The following ZNF331 variants were observed in gnomAD, a reference collection of about 807,000 sequenced individuals.
The protein encoded by ZNF331 is zinc finger protein 331.
ZNF331 carries 2 observed loss-of-function variants against 7.0 expected under a neutral mutation model. The ratio of observed to expected loss-of-function variants is 0.29; its 90% CI spans 0.12 to 0.90. The LOEUF (loss-of-function observed/expected upper bound fraction) is 0.90, where lower values mean the gene tolerates loss of function less well. Among genes scored for constraint, ZNF331 ranks in the 40% least tolerant of loss-of-function variants. ZNF331 has a pLI of 0.58. For synonymous variants in ZNF331, 196 were observed against 205.4 expected (o/e 0.95, Z 0.39); for missense variants, 432 against 587.7 (o/e 0.74, Z 2.74).
chr19:53,552,780 A>C (rs565885509), intron 2 of ZNF331, among the ~76,000 whole-genome samples: 1 of 152,302 alleles, frequency 6.6e-6, no homozygotes, highest in Non-Finnish European at 1.5e-5. Flanking sequence ...AACTGGATTC[A>C]GGATCAGTGT....
chr19:53,527,060 G>A (rs967457615), intron 2 of ZNF331, among the ~76,000 whole-genome samples: 3 of 151,914 alleles, frequency 2.0e-5, no homozygotes, highest in African/African-American at 7.2e-5. Flanking sequence ...ATGGTGGCAT[G>A]TGCCTGTAAT....
chr19:53,574,775 C>G (rs1056139693), intron 5 of ZNF331, among the ~76,000 whole-genome samples: 1 of 152,112 alleles, frequency 6.6e-6, no homozygotes, highest in Non-Finnish European at 1.5e-5. Flanking sequence ...TCAAATGGTG[C>G]GCGCCTATCA....
Position 53,529,271 on chromosome 19 carries a change from G to A in ZNF331, c.-205+6587G>A, listed in dbSNP as rs556635585. 2.6e-5 allele frequency among the ~76,000 whole-genome samples: 4 copies of A among 152,130 alleles called. No homozygotes were observed. The East Asian group carries it at 7.8e-4, about 30-fold the overall frequency. The stretch of plus-strand genomic sequence containing the variant: ...AAAAATTAGCCGGGCGTGGTGGTAG[G>A]CGCATGTAGTCGCAGCTACTCAGGA... On this transcript the variant is annotated intron_variant, in intron 2 of 6. Coordinates refer to the ZNF331 transcript ENST00000253144.
At chr19:53,510,670 C>T in the ZNF331 span, among the ~76,000 whole-genome samples, 1 of 152,072 alleles carries the variant, frequency 6.6e-6, no homozygotes, top group East Asian at 1.9e-4. Flanking sequence ...TGTGTTTTCA[C>T]CTATGAGATT....
rs2090320044 is a variant in ZNF331 at position 53,569,188 on chromosome 19, T to C, written c.-73-116T>C. The C allele has an allele frequency of 5.0e-6, 3 of 595,008 alleles. No homozygotes were observed. The South Asian group carries it at 5.9e-5, about 12-fold the overall frequency. The allele number at this position is 595,008 out of a possible 1,614,324, so 36.9% of individuals were successfully genotyped here. A position where few individuals can be genotyped will look rare whatever the true frequency, so the allele number is the denominator to read the frequency against. ...TGATACTCTTCACCTTTCCCAGATA[T>C]GTCACGGTTATGTGTTTGTGTTGGG... On this transcript the variant is annotated intron_variant, in intron 3 of 5. Coordinates refer to ENST00000449416, the MANE Select transcript of ZNF331 (RefSeq NM_001079906.2).
the ZNF331 span, among the ~76,000 whole-genome samples, chr19:53,509,259 T>C: frequency 6.6e-6 from 1 of 152,204 alleles, no homozygotes; most frequent in African/African-American, 2.4e-5. Flanking sequence ...CTCCTGTTTT[T>C]CTTCCACGTA....
At chr19:53,540,056 A>G (rs564029455) in intron 2 of ZNF331, among the ~76,000 whole-genome samples, 1 of 152,356 alleles carries the variant, frequency 6.6e-6, no homozygotes, top group Admixed American at 6.5e-5. Context: ...TACCTTATCC[A>G]ACATGACATT....
In ZNF331 at chr19:53,579,229, G is replaced by T; in HGVS notation, c.*1277G>T. 4.7e-6 allele frequency: 1 copy of T among 211,070 alleles called. No homozygotes were observed. Among genetic ancestry groups the T allele is most frequent in the Non-Finnish European group, 9.6e-6 (1 of 104,064 alleles). The allele number at this position is 211,070 out of a possible 1,614,324, so 13.1% of individuals were successfully genotyped here. ...TTTTTATTGTGTGGGTTAGTTTAAT[G>T]AATACATAAAGACTACCAGTACCAT... On this transcript the variant is annotated 3_prime_UTR_variant, in exon 6 of 6. Transcript: ENST00000449416.
chr19:53,547,693 G>T (rs1209641160), intron 2 of ZNF331, among the ~76,000 whole-genome samples: 1 of 151,822 alleles, frequency 6.6e-6, no homozygotes, highest in African/African-American at 2.4e-5. Context: ...TATTTTTTTT[G>T]TTTGTTTTTT....
intron 2 of ZNF331, among the ~76,000 whole-genome samples, chr19:53,544,616 C>T (rs1016306213): frequency 1.3e-4 from 20 of 151,940 alleles, no homozygotes; most frequent in Non-Finnish European, 2.6e-4. Flanking sequence ...TTTAACCCAT[C>T]CTCTACTGTG....
intron 2 of ZNF331, among the ~76,000 whole-genome samples, chr19:53,525,741 A>G (rs1048361231): frequency 6.6e-6 from 1 of 152,230 alleles, no homozygotes; most frequent in Admixed American, 6.5e-5. Context: ...ATCTGCAAAC[A>G]GGAACAGTAT....
upstream of ZNF331, among the ~76,000 whole-genome samples, chr19:53,514,549 A>C (rs2086851296): frequency 6.6e-6 from 1 of 152,080 alleles, no homozygotes; most frequent in South Asian, 2.1e-4. Context: ...CATGGACTAA[A>C]ACCACATCAC....
At chr19:53,511,238 CATACT>C in the ZNF331 span, among the ~76,000 whole-genome samples, 128 of 152,184 alleles carry the variant, frequency 8.4e-4, no homozygotes, top group Middle Eastern at 3.4e-3. Flanking sequence ...ATATTTATCT[CATACT>C]ATACAATATG....
chr19:53,579,901 T>TG lies in ZNF331; in HGVS notation c.*1950dup, dbSNP rs1288847740. The TG allele has an allele frequency of 4.9e-6, 1 of 202,602 alleles. No homozygotes were observed. Among genetic ancestry groups the TG allele is most frequent in the Non-Finnish European group, 1.0e-5 (1 of 99,020 alleles). The allele number at this position is 202,602 out of a possible 1,614,324, so 12.6% of individuals were successfully genotyped here. On this transcript the variant is annotated 3_prime_UTR_variant, in exon 6 of 6. Transcript: ENST00000449416. ...AGAAAATATAAAGAATCCCTCAAGT[T>TG]GAAAAAAAAATCAATTTAAAGGGGA...
At position 53,576,743 on chromosome 19, in the gene ZNF331, C is replaced by A. The variant is rs1568551119; in HGVS notation, c.183C>A (p.Asn61Lys). Residue 61 changes from asparagine to lysine, a missense_variant, in exon 6 of 6, where the codon AAC becomes AAA. Physicochemically the swap from Asn to Lys is moderately conservative, Grantham distance 94 (BLOSUM62 0). This residue lies in a region of ZNF331 where 81 missense variants were observed against 70.3 expected (regional missense o/e 1.15). Transcript: ENST00000449416. The part of the protein sequence containing the change: ...YENKSLPTEK[N>K]IHEIRASKRN... ...ATAAGAGTTTACCTACAGAAAAAAACATTCATGAAATAAGGGCTTCCAAAA... is the reference window on the plus strand; with the variant it reads ...ATAAGAGTTTACCTACAGAAAAAAAAATTCATGAAATAAGGGCTTCCAAAA... 6.2e-7 allele frequency: 1 copy of A among 1,611,964 alleles called. No individual in the cohort carries two copies. The highest frequency in any genetic ancestry group is 8.5e-7 in the Non-Finnish European group (1 of 1,179,458).
chr19:53,568,602 A>G (rs1423959762), intron 3 of ZNF331, among the ~76,000 whole-genome samples: 1 of 152,102 alleles, frequency 6.6e-6, no homozygotes, highest in Non-Finnish European at 1.5e-5. Context: ...CTTAGAGGTA[A>G]TATAGATTAC....
At chr19:53,548,029 A>G (rs1600317985) in intron 2 of ZNF331, among the ~76,000 whole-genome samples, 2 of 152,216 alleles carry the variant, frequency 1.3e-5, no homozygotes, top group African/African-American at 2.4e-5. Context: ...TCCTGGACCC[A>G]AGCAATCCTC....
intron 2 of ZNF331, among the ~76,000 whole-genome samples, chr19:53,542,302 G>C (rs1174651618): frequency 6.6e-6 from 1 of 152,122 alleles, no homozygotes; most frequent in Non-Finnish European, 1.5e-5. Flanking sequence ...CTAACCTATG[G>C]TAACAAATTT....
chr19:53,517,166 C>T (rs1337924906), upstream of ZNF331, among the ~76,000 whole-genome samples: 1 of 152,134 alleles, frequency 6.6e-6, no homozygotes, highest in Non-Finnish European at 1.5e-5. Context: ...ACGCGCACAA[C>T]AGCACAACCA....
Sources: gnomAD v4.1 joint callset for allele counts (sites outside exome capture counted in the v4.1 genomes callset) on GRCh38, gnomAD v4.1.1 for gene constraint, gnomAD v4.1.1 regional missense constraint, MANE v1.5 for transcripts, NCBI Gene and HGNC (gene_info 2026-07-23, HGNC 2026-07-21) for gene names.